EZH2: variants seen among roughly 807,000 people sequenced by gnomAD.
The protein encoded by EZH2 is histone-lysine N-methyltransferase EZH2.
A neutral mutation model predicts 98.4 loss-of-function variants in EZH2; 18 were observed. The observed-to-expected ratio is 0.18, with a 90% CI of 0.13 to 0.27. The LOEUF (loss-of-function observed/expected upper bound fraction) is 0.27, where lower values mean the gene tolerates loss of function less well. Ranked by LOEUF, EZH2 falls within the 10% of genes least tolerant of loss-of-function variation. The pLI is 1.00. For synonymous variants in EZH2, 338 were observed against 312.3 expected, an observed-to-expected ratio of 1.08 and a Z score of -0.87; for missense variants, 470 against 935.1, an observed-to-expected ratio of 0.50 and a Z score of 6.49.
At chr7:148,822,914 C>T (rs1461485701) in intron 8 of EZH2, among the ~76,000 whole-genome samples, 2 of 152,122 alleles carry the variant, frequency 1.3e-5, no homozygotes, top group African/African-American at 4.8e-5. Context: ...TGCACTCCAG[C>T]CTGGGCGACA....
chr7:148,834,397 A>T (rs1402510591), intron 3 of EZH2, among the ~76,000 whole-genome samples: 1 of 151,118 alleles, frequency 6.6e-6, no homozygotes, highest in Non-Finnish European at 1.5e-5. Context: ...TAAATGTTTA[A>T]ATTTTTTATT....
At chr7:148,864,347 C>T (rs1818125729) in intron 1 of EZH2, among the ~76,000 whole-genome samples, 2 of 152,148 alleles carry the variant, frequency 1.3e-5, no homozygotes, top group Non-Finnish European at 2.9e-5. Flanking sequence ...TTTGCTTGAA[C>T]AACAGATAAA....
At position 148,817,709 on chromosome 7, in the gene EZH2, G is replaced by A. The variant is rs1336366956; in HGVS notation, c.1240+168C>T. On this transcript the variant is annotated intron_variant, in intron 10 of 19. Transcript: ENST00000320356. ...GGCAAACACCACAAGCTAGGGTACG[G>A]GTGCAGGCAGGAAACAGAAACAACA... The A allele has an allele frequency of 3.2e-6, 3 of 934,094 alleles. No individual in the cohort carries two copies. In the East Asian group the frequency reaches 7.3e-5, roughly 23 times the overall value. The allele number at this position is 934,094 out of a possible 1,614,324, so 57.9% of individuals were successfully genotyped here.
At chr7:148,841,782 C>T (rs1022816553) in intron 3 of EZH2, among the ~76,000 whole-genome samples, 1 of 152,074 alleles carries the variant, frequency 6.6e-6, no homozygotes, top group African/African-American at 2.4e-5. Flanking sequence ...ATAAAAAATG[C>T]AATCGAGTGT....
In EZH2 at chr7:148,855,897, CAAAAAA is replaced by C. The variant is rs34692092; in HGVS notation, c.-7-8598_-7-8593del. On this transcript the variant is annotated intron_variant, in intron 1 of 19. Transcript: ENST00000320356. ...TAGGCGACAGAGCAAGACTCCATCT[CAAAAAA>C]AAAAAAAAAAAAAAAAAAGTAGTGA... Among the ~76,000 whole-genome samples, 28 of 41,004 alleles carry C rather than the reference CAAAAAA, an allele frequency of 6.8e-4. No individual in the cohort carries two copies. The South Asian group carries it at 0.019, about 27-fold the overall frequency. 26.9% of individuals were successfully genotyped at this position (41,004 alleles called of 152,430 possible).
At chr7:148,845,890 C>T (rs538422457) in intron 3 of EZH2, among the ~76,000 whole-genome samples, 13 of 152,220 alleles carry the variant, frequency 8.5e-5, no homozygotes, top group Middle Eastern at 6.8e-3. Flanking sequence ...CATGTTTTAA[C>T]GGGATATTTA....
intron 15 of EZH2, among the ~76,000 whole-genome samples, chr7:148,813,278 T>G (rs938135486): frequency 5.9e-5 from 9 of 151,722 alleles, no homozygotes; most frequent in Non-Finnish European, 8.8e-5. Context: ...TTAATAAATG[T>G]CAGCTATTAT....
intron 17 of EZH2, among the ~76,000 whole-genome samples, chr7:148,809,605 C>T (rs1291628607): frequency 6.6e-6 from 1 of 151,312 alleles, no homozygotes; most frequent in Admixed American, 6.6e-5. Flanking sequence ...AGATGGTTAT[C>T]TGACTCAAAA....
chr7:148,823,069 A>C (rs1269736980), intron 8 of EZH2, among the ~76,000 whole-genome samples: 5 of 152,266 alleles, frequency 3.3e-5, no homozygotes, highest in African/African-American at 1.2e-4. Flanking sequence ...CAGAGATTAA[A>C]AAACAAAGAA....
At chr7:148,848,071 G>T (rs138611278) in intron 1 of EZH2, among the ~76,000 whole-genome samples, 12 of 152,146 alleles carry the variant, frequency 7.9e-5, no homozygotes, top group Admixed American at 7.9e-4. Context: ...CTAAACAAGC[G>T]TCTTTTCCTA....
rs1814548840 is a variant in EZH2, at chr7:148,847,783, C to CA, written c.-7-479dup. ...TAAAAGTAGAAAACATACAGTTCACCATATAATAAAATGTACAAAGGTACT... is the reference window on the plus strand; with the variant it reads ...TAAAAGTAGAAAACATACAGTTCACCAATATAATAAAATGTACAAAGGTACT... On this transcript the variant is annotated intron_variant, in intron 1 of 19. Transcript: ENST00000320356. 2.0e-5 allele frequency among the ~76,000 whole-genome samples: 3 copies of CA among 152,112 alleles called. No homozygotes were observed. In the South Asian group the frequency reaches 6.2e-4, roughly 32 times the overall value.
intron 3 of EZH2, among the ~76,000 whole-genome samples, chr7:148,838,845 G>A (rs1186331610): frequency 2.0e-5 from 3 of 152,080 alleles, no homozygotes. Context: ...TTGAGGTCAG[G>A]AGTTCAAGAC....
At chr7:148,850,542 A>C in intron 1 of EZH2, 1 of 526,640 alleles carries the variant, frequency 1.9e-6, no homozygotes, top group South Asian at 8.3e-5. Context: ...AAGAATATTA[A>C]AATTTAAAGT....
intron 3 of EZH2, among the ~76,000 whole-genome samples, chr7:148,839,689 C>T (rs561607260): frequency 3.9e-5 from 6 of 151,938 alleles, no homozygotes; most frequent in East Asian, 1.9e-4. Context: ...GGACTACAGG[C>T]GCACACCACC....
chr7:148,844,897 C>A (rs1164300167), intron 3 of EZH2, among the ~76,000 whole-genome samples: 1 of 151,840 alleles, frequency 6.6e-6, no homozygotes, highest in African/African-American at 2.4e-5. Context: ...GGGCCCACAT[C>A]AGATCATTAG....
At chr7:148,845,848 C>T (rs552831127) in intron 3 of EZH2, among the ~76,000 whole-genome samples, 188 of 152,280 alleles carry the variant, frequency 1.2e-3, no homozygotes, top group African/African-American at 4.4e-3. Context: ...GCTATTTAGA[C>T]TTTTGCCATT....
intron 1 of EZH2, among the ~76,000 whole-genome samples, chr7:148,876,631 A>G (rs756454930): frequency 1.1e-4 from 17 of 152,240 alleles, no homozygotes; most frequent in Non-Finnish European, 2.1e-4. Flanking sequence ...AATGTCAATC[A>G]CAACAGATTG....
In EZH2 at chr7:148,868,234, A is replaced by T. The variant is rs1160336850; in HGVS notation, c.-8+15930T>A. ...ATTTTCTGTATTAGTCCATTCTCACATTGCTATAAAGAGCTGAGGGTGGGT... is the reference window on the plus strand; with the variant it reads ...ATTTTCTGTATTAGTCCATTCTCACTTTGCTATAAAGAGCTGAGGGTGGGT... On this transcript the variant is annotated intron_variant, in intron 1 of 19. Transcript: ENST00000320356. Among the ~76,000 whole-genome samples, 2 of 152,152 alleles carry T rather than the reference A, an allele frequency of 1.3e-5. 1 individual carries two copies. Among genetic ancestry groups the T allele is most frequent in the Admixed American group, 1.3e-4 (2 of 15,280 alleles).
intron 10 of EZH2, 144 bp from the exon 11 acceptor site, chr7:148,817,535 AT>A: frequency 1.3e-6 from 1 of 778,556 alleles, no homozygotes; most frequent in Non-Finnish European, 2.0e-6. Context: ...CGTAGTTCAC[AT>A]TTTCCAACAA....
Sources: allele counts gnomAD v4.1 joint callset (sites outside exome capture counted in the v4.1 genomes callset), GRCh38; gene constraint gnomAD v4.1.1; transcripts MANE v1.5; gene names NCBI Gene and HGNC (gene_info 2026-07-23, HGNC 2026-07-21).